DIP2C: variants seen among roughly 807,000 people sequenced by gnomAD.
The protein encoded by DIP2C is disco-interacting protein 2 homolog C.
A neutral mutation model predicts 192.4 loss-of-function variants in DIP2C; 33 were observed. The observed-to-expected ratio is 0.17, with a 90% CI of 0.13 to 0.23. DIP2C has a LOEUF of 0.23. DIP2C is among the 10% of genes least tolerant of loss of function. The pLI, the probability that DIP2C is intolerant of heterozygous loss-of-function variation, is 1.00. For missense variants in DIP2C, 1,537 were observed against 2,110.1 expected (o/e 0.73, Z 5.32); for synonymous variants, 979 against 864.1 (o/e 1.13, Z -2.33).
intron 1 of DIP2C, among the ~76,000 whole-genome samples, chr10:607,369 G>A (rs1371443390): frequency 6.6e-6 from 1 of 152,142 alleles, no homozygotes; most frequent in Non-Finnish European, 1.5e-5. Context: ...AGAAGCCAGT[G>A]GTGCTCACGT....
At chr10:311,591 G>C in intron 31 of DIP2C, 2 of 1,232,250 alleles carry the variant, frequency 1.6e-6, no homozygotes, top group Non-Finnish European at 2.0e-6. Flanking sequence ...GGGTGAGGAC[G>C]AGAAGAGAGG....
At chr10:445,646 ATCT>A (rs879276437) in intron 3 of DIP2C, among the ~76,000 whole-genome samples, 23,579 of 151,010 alleles carry the variant, frequency 0.16, 4,901 homozygotes, top group African/African-American at 0.47. Flanking sequence ...TGCACTGGGC[ATCT>A]GTATACATCT....
At chr10:538,124 C>G (rs1847792006) in intron 1 of DIP2C, among the ~76,000 whole-genome samples, 1 of 152,064 alleles carries the variant, frequency 6.6e-6, no homozygotes, top group Non-Finnish European at 1.5e-5. Context: ...CTTTTTGTTT[C>G]TAGACTCTGT....
At chr10:392,917 C>T (rs926398098) in intron 10 of DIP2C, among the ~76,000 whole-genome samples, 4 of 152,076 alleles carry the variant, frequency 2.6e-5, no homozygotes, top group Admixed American at 6.5e-5. Context: ...CACACACACT[C>T]AACAAAGAAA....
rs372856356 is a variant in DIP2C, at chr10:297,851, T to C, written c.3987-9430A>G. Among the ~76,000 whole-genome samples, 8 of 152,202 alleles carry C rather than the reference T, an allele frequency of 5.3e-5. No individual in the cohort carries two copies. The East Asian group carries it at 1.2e-3, about 22-fold the overall frequency. Reference sequence around the variant, plus strand: ...AATGATGCACGCTCCCGATCTAATATCCCGATCTGCTAACTACATGTTATA... The same window carrying C: ...AATGATGCACGCTCCCGATCTAATACCCCGATCTGCTAACTACATGTTATA... On this transcript the variant is annotated intron_variant, in intron 32 of 36. Transcript: ENST00000280886.
intron 1 of DIP2C, among the ~76,000 whole-genome samples, chr10:674,409 TAACA>T (rs1270788528): frequency 6.6e-6 from 1 of 152,102 alleles, no homozygotes; most frequent in Non-Finnish European, 1.5e-5. Flanking sequence ...CAAGAGGACA[TAACA>T]ATTACAAATA....
chr10:546,239 G>A (rs1424576106), intron 1 of DIP2C, among the ~76,000 whole-genome samples: 2 of 142,994 alleles, frequency 1.4e-5, no homozygotes, highest in South Asian at 4.3e-4. Context: ...CCGAGGTCAC[G>A]CCACTACACT....
intron 17 of DIP2C, among the ~76,000 whole-genome samples, chr10:372,167 C>T (rs978079021): frequency 6.6e-6 from 1 of 151,776 alleles, no homozygotes; most frequent in Non-Finnish European, 1.5e-5. Flanking sequence ...CCTCTGCCTC[C>T]CGGATTCAAG....
In DIP2C at chr10:532,632, TGAGAGAGA is replaced by T. The variant is rs1309862557; in HGVS notation, c.86-46110_86-46103del. 2.0e-4 allele frequency among the ~76,000 whole-genome samples: 22 copies of T among 112,766 alleles called. 2 individuals are homozygous for T. Among genetic ancestry groups the T allele is most frequent in the Admixed American group, 3.4e-4 (4 of 11,636 alleles). The allele number at this position is 112,766 out of a possible 152,430, so 74.0% of individuals were successfully genotyped here. A position where few individuals can be genotyped will look rare whatever the true frequency, so the allele number is the denominator to read the frequency against. On this transcript the variant is annotated intron_variant, in intron 1 of 36. Transcript: ENST00000280886. Reference sequence around the variant, plus strand: ...ATGGGTGTGAGAGAGAGTATGGGTGTGAGAGAGAGTATGGGTGTGAGAGAGAGTATGGG... The same window carrying T: ...ATGGGTGTGAGAGAGAGTATGGGTGTGTATGGGTGTGAGAGAGAGTATGGG...
intron 1 of DIP2C, among the ~76,000 whole-genome samples, chr10:542,405 A>G (rs536323581): frequency 1.5e-4 from 23 of 152,310 alleles, no homozygotes; most frequent in African/African-American, 5.3e-4. Context: ...GCTACTTCCA[A>G]CACTGGGGAA....
chr10:476,377 A>T (rs889510869), intron 2 of DIP2C, among the ~76,000 whole-genome samples: 5 of 152,088 alleles, frequency 3.3e-5, no homozygotes, highest in African/African-American at 1.2e-4. Context: ...ATTCTGTGGG[A>T]TCCTAGGCAA....
intron 3 of DIP2C, among the ~76,000 whole-genome samples, chr10:460,852 A>AT (rs1425112106): frequency 6.6e-6 from 1 of 152,208 alleles, no homozygotes; most frequent in Non-Finnish European, 1.5e-5. Context: ...CTAACAGCGG[A>AT]TCTCTCTGCA....
At chr10:382,792 G>A in intron 16 of DIP2C, 31 bp from the exon 17 acceptor site, 2 of 1,480,232 alleles carry the variant, frequency 1.4e-6, no homozygotes, top group African/African-American at 1.4e-5. Context: ...TGATCAGACA[G>A]CTGAAGCACT....
rs572608722 is a variant in DIP2C, at chr10:318,361, C to T, written c.3925-8269G>A. On this transcript the variant is annotated intron_variant, in intron 31 of 36. Coordinates refer to ENST00000280886, the MANE Select transcript of DIP2C (RefSeq NM_014974.3). ...CAACCAGTCACATCCATTTACAGCA[C>T]AAACCAATCGGGCTCTTGCTGTCGG... Among the ~76,000 whole-genome samples, 107 of 152,332 alleles carry T rather than the reference C, an allele frequency of 7.0e-4. 1 individual carries two copies. The highest frequency in any genetic ancestry group is 2.4e-3 in the African/African-American group (100 of 41,580).
At chr10:539,870 T>G (rs1275289633) in intron 1 of DIP2C, among the ~76,000 whole-genome samples, 1 of 152,224 alleles carries the variant, frequency 6.6e-6, no homozygotes, top group Non-Finnish European at 1.5e-5. Context: ...ACCTACAATA[T>G]GCAAAAACAT....
At chr10:398,499 G>C (rs989145842) in intron 10 of DIP2C, among the ~76,000 whole-genome samples, 1 of 152,156 alleles carries the variant, frequency 6.6e-6, no homozygotes, top group Non-Finnish European at 1.5e-5. Flanking sequence ...TCCCTAAAAT[G>C]TACGAACCCA....
chr10:392,816 G>GCA lies in DIP2C; in HGVS notation c.1261-1955_1261-1954dup, dbSNP rs141409070. Among the ~76,000 whole-genome samples, 946 of 148,338 alleles carry GCA rather than the reference G, an allele frequency of 6.4e-3. 7 individuals carry two copies. The highest frequency in any genetic ancestry group is 0.021 in the African/African-American group (835 of 39,378). On this transcript the variant is annotated intron_variant, in intron 10 of 36. Transcript: ENST00000280886. ...ACACACGCGGATGCGCACACTCAGCGCACACACACACACACGCCCACGCAC... is the reference window on the plus strand; with the variant it reads ...ACACACGCGGATGCGCACACTCAGCGCACACACACACACACACGCCCACGCAC...
chr10:403,683 A>C (rs1362981442), intron 9 of DIP2C, among the ~76,000 whole-genome samples: 7 of 148,602 alleles, frequency 4.7e-5, no homozygotes, highest in African/African-American at 1.7e-4. Flanking sequence ...GAATCCTGTG[A>C]TTTTACACGT....
chr10:451,854 G>A (rs1589826906), intron 3 of DIP2C, among the ~76,000 whole-genome samples: 1 of 152,216 alleles, frequency 6.6e-6, no homozygotes, highest in African/African-American at 2.4e-5. Context: ...GAAGAAATGC[G>A]GGTTTTTTTC....
Sources: allele counts gnomAD v4.1 joint callset (sites outside exome capture counted in the v4.1 genomes callset), GRCh38; gene constraint gnomAD v4.1.1; transcripts MANE v1.5; gene names NCBI Gene and HGNC (gene_info 2026-07-23, HGNC 2026-07-21).